ZNF75A: variants seen among roughly 807,000 people sequenced by gnomAD.
ZNF75A encodes the protein zinc finger protein 75A.
ZNF75A carries 36 observed loss-of-function variants against 46.3 expected under a neutral mutation model. The ratio of observed to expected loss-of-function variants is 0.78; its 90% CI spans 0.60 to 1.03. The LOEUF is 1.03. Among genes scored for constraint, ZNF75A ranks in the 50% least tolerant of loss-of-function variants. The probability of loss-of-function intolerance (pLI) is 0.00; values close to 1 mark genes in which losing one functional copy is unlikely to be tolerated. For missense variants in ZNF75A, 595 were observed against 551.3 expected (o/e 1.08, Z -0.79); for synonymous variants, 234 against 189.9 (o/e 1.23, Z -1.91).
At position 3,315,067 on chromosome 16, in the gene ZNF75A, T is replaced by G. The variant is rs1363468814; in HGVS notation, c.824-1845T>G. ...AGATGTACGTGCTCATTCCTTGTCC[T>G]ACGTGGAGATCTTGATCCCTTCCCT... On this transcript the variant is annotated intron_variant, in intron 5 of 6. Transcript: ENST00000669516. 5 of 985,368 alleles carry G rather than the reference T, an allele frequency of 5.1e-6. No individual in the cohort carries two copies. In the East Asian group the frequency reaches 5.7e-4, roughly 112 times the overall value. The allele number at this position is 985,368 out of a possible 1,614,324, so 61.0% of individuals were successfully genotyped here.
At position 3,316,919 on chromosome 16, in the gene ZNF75A, T is replaced by G. The variant is rs768454632; in HGVS notation, c.831T>G (p.Phe277Leu). 6.8e-6 allele frequency: 11 copies of G among 1,611,280 alleles called. No homozygotes were observed. Among genetic ancestry groups the G allele is most frequent in the Non-Finnish European group, 4.2e-6 (5 of 1,178,892 alleles). The change falls in exon 6 of 7, where the codon TTT (phenylalanine) becomes TTG (leucine). Residue 277 changes from phenylalanine (F) to leucine (L), a missense_variant. Physicochemically the swap from Phe to Leu is conservative, Grantham distance 22. Transcript: ENST00000669516. ...NYETVISLAL[F>L]VLPKPKVISC... Reference sequence around the variant, plus strand: ...ATTTTGTCCATTTGACAGCATTGTTTGTGCTCCCCAAACCTAAAGTGATCT... The same window carrying G: ...ATTTTGTCCATTTGACAGCATTGTTGGTGCTCCCCAAACCTAAAGTGATCT...
At chr16:3,310,867 T>C (rs1026369732) in intron 2 of ZNF75A, 3 of 985,388 alleles carry the variant, frequency 3.0e-6, no homozygotes, top group Admixed American at 1.2e-4. Flanking sequence ...ACTTGGTGGG[T>C]GGCGACACAT....
At chr16:3,311,264 C>T (rs1022639844) in intron 2 of ZNF75A, among the ~76,000 whole-genome samples, 16 of 151,898 alleles carry the variant, frequency 1.1e-4, no homozygotes, top group African/African-American at 3.9e-4. Flanking sequence ...ATGAAGAAAC[C>T]CCGTCTCTAC....
At chr16:3,314,852 G>A (rs1961079780) in intron 5 of ZNF75A, 1 of 985,286 alleles carries the variant, frequency 1.0e-6, no homozygotes, top group Non-Finnish European at 1.2e-6. Context: ...CAGGAAAACT[G>A]TAAGACTGTC....
chr16:3,318,448 A>C lies in ZNF75A; in HGVS notation c.*579A>C, dbSNP rs1961390462. 3 of 985,424 alleles carry C rather than the reference A, an allele frequency of 3.0e-6. No homozygotes were observed. Among genetic ancestry groups the C allele is most frequent in the Non-Finnish European group, 1.2e-6 (1 of 829,974 alleles). 61.0% of individuals were successfully genotyped at this position (985,424 alleles called of 1,614,324 possible). On this transcript the variant is annotated 3_prime_UTR_variant, in exon 7 of 7. Coordinates refer to ENST00000669516, the MANE Select transcript of ZNF75A (RefSeq NM_001302109.2). ...ATTAATGCACTGTCTTATGCCTCTC[A>C]TTGGTGATGTTTGGAAAATAGAAGA... is the stretch of plus-strand genomic sequence containing the variant.
chr16:3,309,527 T>G (rs1337746016), intron 2 of ZNF75A: 2 of 150,454 alleles, frequency 1.3e-5, no homozygotes, highest in African/African-American at 4.9e-5. Flanking sequence ...TCCAGCACTT[T>G]GAGAGGCCAA....
chr16:3,314,282 T>C (rs1007369237), intron 5 of ZNF75A, among the ~76,000 whole-genome samples: 8 of 152,158 alleles, frequency 5.3e-5, no homozygotes, highest in Non-Finnish European at 1.0e-4. Context: ...AAGAGAAATA[T>C]CCTCTGGCTC....
In ZNF75A at chr16:3,312,673, A is replaced by T. The variant is rs931129370; in HGVS notation, c.605-4A>T. On this transcript the variant is annotated splice_region_variant and splice_polypyrimidine_tract_variant and intron_variant, in intron 3 of 6. Transcript: ENST00000669516. ...GATTTCTTCTGGCTCTTTTCCCCCC[A>T]CAGCTGTGCCTACTCAACAGATTCT... 1 of 1,002,688 alleles carries T rather than the reference A, an allele frequency of 1.0e-6. No homozygotes were observed. Among genetic ancestry groups the T allele is most frequent in the African/African-American group, 1.7e-5 (1 of 57,716 alleles). The allele number at this position is 1,002,688 out of a possible 1,614,324, so 62.1% of individuals were successfully genotyped here.
chr16:3,308,173 G>T (rs1960430961), intron 1 of ZNF75A, 140 bp from the exon 2 acceptor site: 1 of 152,586 alleles, frequency 6.6e-6, no homozygotes, highest in Non-Finnish European at 1.5e-5. Flanking sequence ...AATAGAAAAG[G>T]AGAAAAACAA....
rs1189572053 is a variant in ZNF75A, at chr16:3,311,733, A to G, written c.409-20A>G. On this transcript the variant is annotated intron_variant, in intron 2 of 6. Coordinates refer to ENST00000669516, the MANE Select transcript of ZNF75A (RefSeq NM_001302109.2). ...ACCAAAAGTAAGTTCTGTGGTAACAAGGATGGGAATTATTTCTAGGTTGCA... is the reference window on the plus strand; with the variant it reads ...ACCAAAAGTAAGTTCTGTGGTAACAGGGATGGGAATTATTTCTAGGTTGCA... 3.8e-6 allele frequency: 4 copies of G among 1,046,036 alleles called. No individual in the cohort carries two copies. Among genetic ancestry groups the G allele is most frequent in the African/African-American group, 3.4e-5 (2 of 59,096 alleles). 64.8% of individuals were successfully genotyped at this position (1,046,036 alleles called of 1,614,324 possible). A position where few individuals can be genotyped will look rare whatever the true frequency, so the allele number is the denominator to read the frequency against.
chr16:3,305,986 C>T (rs1464430432), intron 1 of ZNF75A: 1 of 152,252 alleles, frequency 6.6e-6, no homozygotes, highest in Non-Finnish European at 1.5e-5. Flanking sequence ...GCCGGCATTT[C>T]CGTGTCCGGC....
chr16:3,323,160 A>G (rs1289777581), downstream of ZNF75A: 1 of 595,664 alleles, frequency 1.7e-6, no homozygotes, highest in Non-Finnish European at 2.9e-6. Context: ...CATTGATAAA[A>G]ATTTACTGCA....
Position 3,317,782 on chromosome 16 carries a change from A to G in ZNF75A, c.1527A>G (p.Thr509=), listed in dbSNP as rs970667130. The G allele has an allele frequency of 1.2e-6, 2 of 1,614,112 alleles. No homozygotes were observed. Among genetic ancestry groups the G allele is most frequent in the Non-Finnish European group, 1.7e-6 (2 of 1,180,044 alleles). ...TTATTAAACACCGGAGAACCCACAC[A>G]GGTGAGCAGCCATATACTTGTAGCA... ...SHLIKHRRTH[T]GEQPYTCSIC... is the part of the protein sequence containing the mutation. The change falls in exon 7 of 7, where the codon ACA becomes ACG. Residue 509 remains threonine, a synonymous_variant. Coordinates refer to ENST00000669516, the MANE Select transcript of ZNF75A (RefSeq NM_001302109.2).
At chr16:3,316,302 G>A (rs1031147124) in intron 5 of ZNF75A, 5 of 152,196 alleles carry the variant, frequency 3.3e-5, no homozygotes, top group African/African-American at 7.2e-5. Flanking sequence ...GAATGAATGA[G>A]TGAGAGAGTT....
At chr16:3,308,130 ATTTGTGTGT>A (rs1250489545) in intron 1 of ZNF75A, 174 bp from the exon 2 acceptor site, 5 of 152,340 alleles carry the variant, frequency 3.3e-5, no homozygotes, top group Non-Finnish European at 5.9e-5. Context: ...GTCCACTGAC[ATTTGTGTGT>A]TTTGTGCTGT....
downstream of ZNF75A, among the ~76,000 whole-genome samples, chr16:3,322,481 C>T (rs11645952): frequency 0.049 from 7,501 of 152,242 alleles, 266 homozygotes; most frequent in South Asian, 0.17. Context: ...TCTGATAATG[C>T]GTGTACTTTG....
chr16:3,321,186 A>G (rs567846852), downstream of ZNF75A, among the ~76,000 whole-genome samples: 71 of 152,362 alleles, frequency 4.7e-4, no homozygotes, highest in African/African-American at 1.6e-3. Flanking sequence ...TGAGAGACAC[A>G]TAATCCTAGG....
Position 3,318,591 on chromosome 16 carries a change from T to C in ZNF75A, c.*722T>C. ...AGACTTGTTAATCCCTGCCTTGCAA[T>C]GTCAGTAGGATAAAGCAGCTATAAA... On this transcript the variant is annotated 3_prime_UTR_variant, in exon 7 of 7. Transcript: ENST00000669516. 5.1e-6 allele frequency: 5 copies of C among 985,450 alleles called. No homozygotes were observed. The highest frequency in any genetic ancestry group is 6.0e-6 in the Non-Finnish European group (5 of 829,932). 61.0% of individuals were successfully genotyped at this position (985,450 alleles called of 1,614,324 possible).
At chr16:3,320,578 G>A (rs189686622), downstream of ZNF75A, among the ~76,000 whole-genome samples, 25 of 152,252 alleles carry the variant, frequency 1.6e-4, no homozygotes, top group Non-Finnish European at 3.1e-4. Flanking sequence ...TCTTATGGGA[G>A]GTCAGTTCAA....
Sources: allele counts gnomAD v4.1 joint callset (sites outside exome capture counted in the v4.1 genomes callset), GRCh38; gene constraint gnomAD v4.1.1; transcripts MANE v1.5; gene names NCBI Gene and HGNC (gene_info 2026-07-23, HGNC 2026-07-21).